The following DOCK5 variants were observed in gnomAD, a reference collection of about 807,000 sequenced individuals.
DOCK5 encodes the protein dedicator of cytokinesis protein 5.
In DOCK5, 142 loss-of-function variants were observed where a neutral mutation model predicts 251.8. That is an observed-to-expected ratio of 0.56 (90% CI 0.49 to 0.65). DOCK5 has a LOEUF of 0.65. Ranked by LOEUF, DOCK5 falls within the 30% of genes least tolerant of loss-of-function variation. The pLI is 0.00. For synonymous variants in DOCK5, 842 were observed against 835.5 expected (o/e 1.01, Z -0.13); for missense variants, 2,111 against 2,312.3 (o/e 0.91, Z 1.79).
chr8:25,337,060 A>G (rs1055428174), intron 22 of DOCK5, among the ~76,000 whole-genome samples: 1 of 152,230 alleles, frequency 6.6e-6, no homozygotes, highest in African/African-American at 2.4e-5. Flanking sequence ...AAGGTTACAT[A>G]TAGTACAGAT....
intron 2 of DOCK5, among the ~76,000 whole-genome samples, chr8:25,252,685 G>A (rs1803303206): frequency 6.6e-6 from 1 of 152,204 alleles, no homozygotes; most frequent in Non-Finnish European, 1.5e-5. Context: ...GATATGTGTG[G>A]CAGTAGGAGG....
At chr8:25,385,809 G>A (rs1713398255) in intron 40 of DOCK5, among the ~76,000 whole-genome samples, 1 of 152,274 alleles carries the variant, frequency 6.6e-6, no homozygotes, top group African/African-American at 2.4e-5. Flanking sequence ...CTTAGGGAAG[G>A]GGACTAGAGA....
At chr8:25,251,946 G>A (rs553363416) in intron 2 of DOCK5, among the ~76,000 whole-genome samples, 10 of 150,890 alleles carry the variant, frequency 6.6e-5, no homozygotes, top group African/African-American at 2.4e-4. Context: ...CTGAGATCAC[G>A]CGTGCCATTG....
chr8:25,236,648 C>A (rs1347101656), intron 1 of DOCK5, among the ~76,000 whole-genome samples: 1 of 152,030 alleles, frequency 6.6e-6, no homozygotes, highest in Non-Finnish European at 1.5e-5. Context: ...TGGTGCGATG[C>A]TGGCTCACTG....
At chr8:25,312,558 T>G (rs1431964442) in intron 13 of DOCK5, among the ~76,000 whole-genome samples, 1 of 150,396 alleles carries the variant, frequency 6.6e-6, no homozygotes, top group Admixed American at 6.6e-5. Context: ...AGGTCAGGAG[T>G]TCAAGACCAG....
At chr8:25,408,651 G>A (rs1012963331) in intron 49 of DOCK5, 151 bp from the exon 50 acceptor site, 73 of 796,666 alleles carry the variant, frequency 9.2e-5, no homozygotes, top group Non-Finnish European at 1.3e-4. Context: ...GTGCCTGTTC[G>A]GTGTTGCCCA....
At chr8:25,242,026 ATAGTAT>A (rs1802966583) in intron 1 of DOCK5, among the ~76,000 whole-genome samples, 1 of 152,086 alleles carries the variant, frequency 6.6e-6, no homozygotes, top group South Asian at 2.1e-4. Flanking sequence ...TAGGGGAGGG[ATAGTAT>A]TAGAAGAAAT....
intron 2 of DOCK5, among the ~76,000 whole-genome samples, chr8:25,255,373 A>G (rs1489841112): frequency 1.3e-5 from 2 of 152,238 alleles, no homozygotes; most frequent in Non-Finnish European, 2.9e-5. Flanking sequence ...ATTCAGCGCT[A>G]AAAAGAAATG....
chr8:25,325,436 A>G lies in DOCK5; in HGVS notation c.1792A>G (p.Lys598Glu). ...TGGAACCAAGATGGAGATGGAAGAA[A>G]AAGAGCTTCAAGCATCCAAAAACCT... Reference protein sequence around the residue: ...LPGTKMEMEEKELQASKNLVT... With the variant: ...LPGTKMEMEEEELQASKNLVT... The change falls in exon 18 of 52, where the codon AAA becomes GAA. Residue 598 changes from lysine to glutamate, a missense_variant. Around this residue, in one of 3 missense-constraint regions of DOCK5, gnomAD observed 1,717 missense variants for 1,892.4 expected, o/e 0.91. Transcript: ENST00000276440. 1.2e-6 allele frequency: 2 copies of G among 1,613,982 alleles called. No individual in the cohort carries two copies. Among genetic ancestry groups the G allele is most frequent in the Non-Finnish European group, 1.7e-6 (2 of 1,179,864 alleles).
chr8:25,223,592 G>T (rs1363601359), intron 1 of DOCK5, among the ~76,000 whole-genome samples: 2 of 152,200 alleles, frequency 1.3e-5, no homozygotes, highest in African/African-American at 4.8e-5. Context: ...TGGAATTATA[G>T]GTGTGAGCCA....
intron 16 of DOCK5, among the ~76,000 whole-genome samples, chr8:25,322,083 T>C (rs1324296670): frequency 6.6e-6 from 1 of 152,210 alleles, no homozygotes; most frequent in East Asian, 1.9e-4. Flanking sequence ...AATCGTCTTA[T>C]TCTCATTTCG....
At chr8:25,275,601 G>A (rs994064273) in intron 4 of DOCK5, among the ~76,000 whole-genome samples, 160 bp downstream of exon 4, 2 of 152,140 alleles carry the variant, frequency 1.3e-5, no homozygotes, top group East Asian at 1.9e-4. Flanking sequence ...TTGGGAGACC[G>A]AGGTGGGCAG....
chr8:25,392,060 C>T (rs2117320675), intron 43 of DOCK5, 80 bp downstream of exon 43: 6 of 1,360,256 alleles, frequency 4.4e-6, no homozygotes, highest in Non-Finnish European at 6.1e-6. Flanking sequence ...TCCCAGCATT[C>T]TGGGAGGCCG....
At chr8:25,392,084 A>G (rs2117320725) in intron 43 of DOCK5, 104 bp downstream of exon 43, 1 of 1,090,148 alleles carries the variant, frequency 9.2e-7, no homozygotes, top group Non-Finnish European at 1.3e-6. Flanking sequence ...CGGGCGGATC[A>G]CGAAGTCAAG....
intron 2 of DOCK5, among the ~76,000 whole-genome samples, chr8:25,259,650 A>G (rs1803518405): frequency 6.6e-6 from 1 of 151,974 alleles, no homozygotes; most frequent in Non-Finnish European, 1.5e-5. Context: ...TTTTAGAGAC[A>G]AGGTCTTACT....
intron 48 of DOCK5, among the ~76,000 whole-genome samples, chr8:25,405,479 C>A (rs966923494): frequency 6.6e-6 from 1 of 151,892 alleles, no homozygotes; most frequent in African/African-American, 2.4e-5. Context: ...TCCACATACT[C>A]TTTAGTCTGT....
intron 37 of DOCK5, 151 bp downstream of exon 37, chr8:25,374,805 G>A (rs1458558288): frequency 2.0e-6 from 3 of 1,530,272 alleles, no homozygotes; most frequent in South Asian, 2.4e-5. Flanking sequence ...AATAGGCACA[G>A]CTAATTTGTA....
chr8:25,372,481 A>G (rs1586371926), intron 34 of DOCK5, 78 bp from the exon 35 acceptor site: 1 of 1,428,382 alleles, frequency 7.0e-7, no homozygotes, highest in East Asian at 2.6e-5. Flanking sequence ...CACTGCTGAG[A>G]CCCTGGTCAG....
At position 25,382,621 on chromosome 8, in the gene DOCK5, C is replaced by T. The variant is rs1012379754; in HGVS notation, c.4027-53C>T. 28 of 1,406,564 alleles carry T rather than the reference C, an allele frequency of 2.0e-5. No homozygotes were observed. The African/African-American group carries it at 2.9e-4, about 15-fold the overall frequency. 87.1% of individuals were successfully genotyped at this position (1,406,564 alleles called of 1,614,324 possible). A position where few individuals can be genotyped will look rare whatever the true frequency, so the allele number is the denominator to read the frequency against. ...AAAACAAAGTCTGACTTTTTTTTTCCCCCAACTGTGTACTTATAACCTCCC... is the reference window on the plus strand; with the variant it reads ...AAAACAAAGTCTGACTTTTTTTTTCTCCCAACTGTGTACTTATAACCTCCC... On this transcript the variant is annotated intron_variant, in intron 39 of 51. Coordinates refer to ENST00000276440, the MANE Select transcript of DOCK5 (RefSeq NM_024940.8).
Sources: allele counts gnomAD v4.1 joint callset (sites outside exome capture counted in the v4.1 genomes callset), GRCh38; gene constraint gnomAD v4.1.1; regional missense constraint gnomAD v4.1.1; transcripts MANE v1.5; gene names NCBI Gene and HGNC (gene_info 2026-07-23, HGNC 2026-07-21).